The following CNTN5 variants were observed in gnomAD, a reference collection of about 807,000 sequenced individuals.
The protein encoded by CNTN5 is contactin-5.
A neutral mutation model predicts 129.1 loss-of-function variants in CNTN5; 77 were observed. The ratio of observed to expected loss-of-function variants is 0.60; its 90% CI spans 0.50 to 0.72. The LOEUF (loss-of-function observed/expected upper bound fraction) is 0.72. Ranked by LOEUF, CNTN5 falls within the 30% of genes least tolerant of loss-of-function variation. The probability of loss-of-function intolerance (pLI) is 0.00; values close to 1 mark genes in which losing one functional copy is unlikely to be tolerated. For synonymous variants in CNTN5, 509 were observed against 465.6 expected (o/e 1.09, Z -1.20); for missense variants, 1,478 against 1,328.8 (o/e 1.11, Z -1.75).
intron 1 of CNTN5, among the ~76,000 whole-genome samples, chr11:99,133,685 T>C (rs1181686421): frequency 6.8e-6 from 1 of 147,734 alleles, no homozygotes; most frequent in Admixed American, 6.8e-5. Flanking sequence ...ATTAGAGAAA[T>C]GCAAATCAAA....
At chr11:99,514,676 A>T (rs1946976257) in intron 2 of CNTN5, among the ~76,000 whole-genome samples, 1 of 152,082 alleles carries the variant, frequency 6.6e-6, no homozygotes, top group South Asian at 2.1e-4. Flanking sequence ...TTTTAAATTG[A>T]GGTATATACG....
chr11:99,269,447 C>T (rs1156888854), intron 1 of CNTN5, among the ~76,000 whole-genome samples: 1 of 151,438 alleles, frequency 6.6e-6, no homozygotes, highest in African/African-American at 2.4e-5. Context: ...TTGTTTGTTG[C>T]TTGGCATTTA....
At chr11:99,530,911 C>T (rs950768752) in intron 2 of CNTN5, among the ~76,000 whole-genome samples, 1 of 152,162 alleles carries the variant, frequency 6.6e-6, no homozygotes, top group Non-Finnish European at 1.5e-5. Context: ...TTGGGCATGT[C>T]TTTATCAGCA....
chr11:99,723,440 T>G (rs2135043599), intron 3 of CNTN5, among the ~76,000 whole-genome samples: 1 of 152,264 alleles, frequency 6.6e-6, no homozygotes, highest in South Asian at 2.1e-4. Context: ...ATTTAATGCC[T>G]TTGCATCTCT....
intron 3 of CNTN5, among the ~76,000 whole-genome samples, chr11:99,676,375 C>T (rs1468902575): frequency 1.3e-5 from 2 of 152,108 alleles, no homozygotes; most frequent in East Asian, 3.9e-4. Flanking sequence ...AATTCAGAAG[C>T]CACCTGGTGA....
chr11:99,729,793 A>T (rs1457761826), intron 3 of CNTN5, among the ~76,000 whole-genome samples: 1 of 152,106 alleles, frequency 6.6e-6, no homozygotes, highest in East Asian at 1.9e-4. Context: ...GCAAACTAAC[A>T]CAGGAACAAA....
At chr11:99,128,235 G>C (rs1018957210) in intron 1 of CNTN5, among the ~76,000 whole-genome samples, 2 of 152,140 alleles carry the variant, frequency 1.3e-5, no homozygotes, top group African/African-American at 2.4e-5. Flanking sequence ...GTCTGCCTAA[G>C]ACTACCGAGT....
chr11:99,134,878 AC>A (rs1375476896), intron 1 of CNTN5, among the ~76,000 whole-genome samples: 1 of 152,228 alleles, frequency 6.6e-6, no homozygotes, highest in African/African-American at 2.4e-5. Flanking sequence ...AAAATATTCA[AC>A]TGTAACTATG....
At chr11:99,641,800 C>T (rs981971310) in intron 3 of CNTN5, among the ~76,000 whole-genome samples, 1 of 152,124 alleles carries the variant, frequency 6.6e-6, no homozygotes, top group African/African-American at 2.4e-5. Flanking sequence ...GCCTATCTCC[C>T]AACTTTTCCA....
At chr11:99,927,149 G>C (rs952434983) in intron 7 of CNTN5, among the ~76,000 whole-genome samples, 1 of 152,106 alleles carries the variant, frequency 6.6e-6, no homozygotes, top group African/African-American at 2.4e-5. Flanking sequence ...CCTAGAATTA[G>C]CCATCTCTTT....
At chr11:99,789,329 A>G (rs1222991760) in intron 3 of CNTN5, among the ~76,000 whole-genome samples, 1 of 151,968 alleles carries the variant, frequency 6.6e-6, no homozygotes, top group African/African-American at 2.4e-5. Flanking sequence ...GATTAGAGAG[A>G]TTAAGTAACT....
intron 2 of CNTN5, among the ~76,000 whole-genome samples, chr11:99,343,789 T>A (rs1308597222): frequency 6.6e-6 from 1 of 152,134 alleles, no homozygotes; most frequent in Non-Finnish European, 1.5e-5. Context: ...AGCAGTTTCA[T>A]ATAAATCAAT....
intron 4 of CNTN5, among the ~76,000 whole-genome samples, chr11:99,841,781 T>TTATATA (rs755315937): frequency 0.034 from 3,328 of 96,874 alleles, 45 homozygotes; most frequent in Non-Finnish European, 0.048. Flanking sequence ...GGTTTGACAT[T>TTATATA]TATATATATA....
intron 1 of CNTN5, among the ~76,000 whole-genome samples, chr11:99,221,653 G>A (rs1374738478): frequency 6.6e-6 from 1 of 151,840 alleles, no homozygotes; most frequent in Non-Finnish European, 1.5e-5. Context: ...TATGGTTTAC[G>A]TTGGAGTACA....
At chr11:99,298,914 A>C (rs1864502927) in intron 1 of CNTN5, among the ~76,000 whole-genome samples, 1 of 152,106 alleles carries the variant, frequency 6.6e-6, no homozygotes, top group Admixed American at 6.6e-5. Flanking sequence ...TCCTCCACAC[A>C]AAAACATTTT....
chr11:99,110,990 G>A (rs890970784), intron 1 of CNTN5, among the ~76,000 whole-genome samples: 1 of 151,798 alleles, frequency 6.6e-6, no homozygotes, highest in African/African-American at 2.4e-5. Context: ...AAATGTGGAT[G>A]TTTTCATTGT....
chr11:100,303,348 T>C (rs1951270593), intron 20 of CNTN5, among the ~76,000 whole-genome samples: 1 of 151,560 alleles, frequency 6.6e-6, no homozygotes. Flanking sequence ...GTAAAACTGA[T>C]AAAAATTAAT....
rs1215727999 is a variant in CNTN5 at position 99,782,785 on chromosome 11, C to A, written c.56-36759C>A. Among the ~76,000 whole-genome samples the A allele has an allele frequency of 2.0e-5, 3 of 151,946 alleles. No individual in the cohort carries two copies. The East Asian group carries it at 5.9e-4, about 30-fold the overall frequency. On this transcript the variant is annotated intron_variant, in intron 3 of 24. Coordinates refer to ENST00000524871, the MANE Select transcript of CNTN5 (RefSeq NM_014361.4). ...AAACTGGCTAGCCATATGTAGAAAG[C>A]TGAAACTGGATCCCTTCCTTACACC...
intron 3 of CNTN5, among the ~76,000 whole-genome samples, chr11:99,687,915 A>C (rs959847231): frequency 2.0e-5 from 3 of 152,198 alleles, no homozygotes; most frequent in South Asian, 4.1e-4. Flanking sequence ...TCTCATGCCT[A>C]TATTTAATAT....
Sources: gnomAD v4.1 joint callset for allele counts (sites outside exome capture counted in the v4.1 genomes callset) on GRCh38, gnomAD v4.1.1 for gene constraint, MANE v1.5 for transcripts, NCBI Gene and HGNC (gene_info 2026-07-23, HGNC 2026-07-21) for gene names.